Variants in RAD52 observed in about 807,000 individuals in gnomAD.
RAD52 encodes DNA repair protein RAD52 homolog.
RAD52 carries 47 observed loss-of-function variants against 55.5 expected under a neutral mutation model. The ratio of observed to expected loss-of-function variants is 0.85; its 90% confidence interval spans 0.67 to 1.08. The LOEUF (loss-of-function observed/expected upper bound fraction) is 1.08, where lower values mean the gene tolerates loss of function less well. Among genes scored for constraint, RAD52 ranks in the 50% least tolerant of loss-of-function variants. The probability of loss-of-function intolerance (pLI) is 0.00; values close to 1 mark genes in which losing one functional copy is unlikely to be tolerated. For synonymous variants in RAD52, 184 were observed against 198.9 expected (o/e 0.92, Z 0.63); for missense variants, 468 against 522.8 (o/e 0.90, Z 1.02).
In RAD52 at chr12:961,309, C is replaced by CAAAA. The variant is rs60547688; in HGVS notation, c.-18-28237_-18-28234dup. ...TGGGTGACAGAGTGAGACTCCATCT[C>CAAAA]AAAAAAAAAAAAAAAAAAAAAAAGG... On this transcript the variant is annotated intron_variant, in intron 1 of 11. Coordinates refer to the RAD52 transcript ENST00000430095. Among the ~76,000 whole-genome samples the CAAAA allele has an allele frequency of 1.4e-3, 47 of 33,806 alleles. 2 individuals carry two copies. Among genetic ancestry groups the CAAAA allele is most frequent in the Admixed American group, 4.7e-3 (10 of 2,144 alleles). The allele number at this position is 33,806 out of a possible 152,430, so 22.2% of individuals were successfully genotyped here.
intron 3 of RAD52, among the ~76,000 whole-genome samples, chr12:930,770 C>A (rs1334746710): frequency 6.6e-6 from 1 of 151,796 alleles, no homozygotes; most frequent in African/African-American, 2.4e-5. Flanking sequence ...AGTTCGAGAT[C>A]AGCCTGGGCA....
At position 913,948 on chromosome 12, in the gene RAD52, C is replaced by A. The variant is rs1013931751; in HGVS notation, c.1141G>T (p.Ala381Ser). 1.2e-6 allele frequency: 2 copies of A among 1,614,074 alleles called. No individual in the cohort carries two copies. The highest frequency in any genetic ancestry group is 1.3e-5 in the African/African-American group (1 of 74,922). ...PHSVCHQKPQ[A>S]KSGSWDLQTY... is the part of the protein sequence containing the mutation. ...TGGAGGTCCCAAGATCCAGATTTTG[C>A]TTGTGGTTTCTGGTGGCAAACGCTG... is the stretch of plus-strand genomic sequence containing the variant. Residue 381 changes from alanine (A) to serine (S), a missense_variant, in exon 11 of 12, where the codon GCA (alanine) becomes TCA (serine). By Grantham distance (99) the Ala-to-Ser change is moderately conservative (BLOSUM62 1). Coordinates refer to ENST00000358495, the MANE Select transcript of RAD52 (RefSeq NM_134424.4).
At chr12:976,393 C>A in intron 1 of RAD52, 1 of 152,230 alleles carries the variant, frequency 6.6e-6, no homozygotes, top group African/African-American at 2.4e-5. Flanking sequence ...TTGGAAGGCT[C>A]TGTGACTGCT....
intron 1 of RAD52, among the ~76,000 whole-genome samples, chr12:982,656 CTTT>C (rs34866890): frequency 3.5e-5 from 3 of 86,426 alleles, no homozygotes; most frequent in Non-Finnish European, 4.1e-5. Context: ...ACAATCTAGA[CTTT>C]TTTTTTTTTT....
chr12:927,138 CGCTCACCTGAGG>C lies in RAD52; in HGVS notation c.462_467+6del, dbSNP rs751357859. ...GACGCAGGTTAGACTCCCAGCCCCG[CGCTCACCTGAGG>C]GCTCGCTTCAGCCCGTCTGTCACCG... On this transcript the variant is annotated splice_donor_variant and splice_donor_5th_base_variant and coding_sequence_variant and intron_variant, in exon 6 of 12. Transcript: ENST00000358495. LOFTEE classifies it high-confidence loss of function. 17 of 1,611,412 alleles carry C rather than the reference CGCTCACCTGAGG, an allele frequency of 1.1e-5. No individual in the cohort carries two copies. Among genetic ancestry groups the C allele is most frequent in the Non-Finnish European group, 1.4e-5 (17 of 1,177,694 alleles).
Position 962,631 on chromosome 12 carries a change from G to A in RAD52, c.-19+27178C>T, listed in dbSNP as rs556004973. On this transcript the variant is annotated intron_variant, in intron 1 of 11. Coordinates refer to the RAD52 transcript ENST00000430095. ...CAAAGTGCTGGGATTACAGGCGTGA[G>A]CCACTGCACCTGGCCCAAGGAAGAC... 9.2e-4 allele frequency among the ~76,000 whole-genome samples: 140 copies of A among 152,200 alleles called. 1 individual carries two copies. Among genetic ancestry groups the A allele is most frequent in the African/African-American group, 3.3e-3 (135 of 41,530 alleles).
chr12:945,169 G>A (rs910767145), intron 1 of RAD52, among the ~76,000 whole-genome samples: 1 of 151,988 alleles, frequency 6.6e-6, no homozygotes, highest in Non-Finnish European at 1.5e-5. Flanking sequence ...CGGCTAACAT[G>A]ATGAAACCTC....
At chr12:989,618 T>G (rs1449062860) in intron 1 of RAD52, among the ~76,000 whole-genome samples, 1 of 152,218 alleles carries the variant, frequency 6.6e-6, no homozygotes, top group African/African-American at 2.4e-5. Context: ...GTGTATAACA[T>G]AGCGCTTAGC....
intron 1 of RAD52, among the ~76,000 whole-genome samples, chr12:988,501 T>C (rs1305024225): frequency 3.9e-5 from 6 of 152,218 alleles, no homozygotes; most frequent in Non-Finnish European, 8.8e-5. Flanking sequence ...GTCTATTTTA[T>C]GTTGCTATAA....
At chr12:980,744 T>C (rs1253601463) in intron 1 of RAD52, among the ~76,000 whole-genome samples, 5 of 152,084 alleles carry the variant, frequency 3.3e-5, no homozygotes, top group African/African-American at 1.2e-4. Context: ...ATTACAGGCA[T>C]GCACCACCAT....
intron 1 of RAD52, among the ~76,000 whole-genome samples, chr12:980,315 C>T (rs561144728): frequency 4.9e-4 from 72 of 145,682 alleles, no homozygotes; most frequent in African/African-American, 1.7e-3. Context: ...TTTTTTGAGA[C>T]GAAGTCTCAC....
intron 1 of RAD52, among the ~76,000 whole-genome samples, chr12:959,344 A>G (rs1270837286): frequency 1.3e-5 from 2 of 152,206 alleles, no homozygotes; most frequent in East Asian, 1.9e-4. Flanking sequence ...CACTTAATGC[A>G]TATTTATTAG....
chr12:937,271 C>T (rs1186244476), intron 1 of RAD52, among the ~76,000 whole-genome samples: 3 of 152,166 alleles, frequency 2.0e-5, no homozygotes, highest in African/African-American at 7.2e-5. Context: ...TCTTCCTTCT[C>T]CCTTCACTCA....
chr12:944,261 G>A (rs1381269733), intron 1 of RAD52, among the ~76,000 whole-genome samples: 1 of 151,472 alleles, frequency 6.6e-6, no homozygotes, highest in Non-Finnish European at 1.5e-5. Context: ...GGTGGCTCAC[G>A]CCTGTAATCC....
chr12:956,591 G>C (rs1489735499), intron 1 of RAD52, among the ~76,000 whole-genome samples: 1 of 152,152 alleles, frequency 6.6e-6, no homozygotes. Flanking sequence ...GCTTGACTCA[G>C]GCTGGAGTGC....
At chr12:965,828 A>AGG (rs1472577740) in intron 1 of RAD52, among the ~76,000 whole-genome samples, 1 of 151,786 alleles carries the variant, frequency 6.6e-6, no homozygotes, top group Non-Finnish European at 1.5e-5. Context: ...CTGGGATTAC[A>AGG]CATATGCACC....
At chr12:951,437 G>T (rs11571368), upstream of RAD52, among the ~76,000 whole-genome samples, 306 of 152,302 alleles carry the variant, frequency 2.0e-3, 2 homozygotes, top group African/African-American at 7.1e-3. Context: ...TTAGTCGTGT[G>T]ATCTGATTTT....
chr12:975,027 A>G (rs1958917311), intron 1 of RAD52: 1 of 152,224 alleles, frequency 6.6e-6, no homozygotes, highest in Admixed American at 6.5e-5. Context: ...GGGAGAAACC[A>G]CATTCATGTA....
At position 929,789 on chromosome 12, in the gene RAD52, C is replaced by A. The variant is rs373325193; in HGVS notation, c.348+30G>T. 2.5e-6 allele frequency: 4 copies of A among 1,595,276 alleles called. No homozygotes were observed. Among genetic ancestry groups the A allele is most frequent in the Non-Finnish European group, 3.4e-6 (4 of 1,163,134 alleles). On this transcript the variant is annotated intron_variant, in intron 5 of 11. Coordinates refer to ENST00000358495, the MANE Select transcript of RAD52 (RefSeq NM_134424.4). ...CTTCTCCTACCACCCACTGATCCTT[C>A]CGGGCAGCAGGTCTACTCCATCCCC...
Sources: allele counts gnomAD v4.1 joint callset (sites outside exome capture counted in the v4.1 genomes callset), GRCh38; gene constraint gnomAD v4.1.1; transcripts MANE v1.5; gene names NCBI Gene and HGNC (gene_info 2026-07-23, HGNC 2026-07-21).